Variants in CHD9 observed in about 807,000 individuals in gnomAD.
The protein encoded by CHD9 is ATP-dependent chromatin remodeler CHD9.
A neutral mutation model predicts 316.1 loss-of-function variants in CHD9; 77 were observed. That is an observed-to-expected ratio of 0.24 (90% CI 0.20 to 0.29). The LOEUF (loss-of-function observed/expected upper bound fraction) is 0.29. CHD9 is among the 10% of genes least tolerant of loss of function. CHD9 has a pLI of 1.00. For synonymous variants in CHD9, 1,129 were observed against 1,158.3 expected (o/e 0.97, Z 0.51); for missense variants, 2,763 against 3,438.1 (o/e 0.80, Z 4.91).
chr16:53,287,300 G>C (rs2053962420), intron 26 of CHD9, among the ~76,000 whole-genome samples: 1 of 152,184 alleles, frequency 6.6e-6, no homozygotes, highest in South Asian at 2.1e-4. Flanking sequence ...ACTGAAATTG[G>C]TTGAATTTAT....
chr16:53,131,496 C>T (rs1397716150), intron 1 of CHD9, among the ~76,000 whole-genome samples: 1 of 149,350 alleles, frequency 6.7e-6, no homozygotes, highest in Non-Finnish European at 1.5e-5. Flanking sequence ...CGGCCCGCCC[C>T]GCGCCTGTCA....
At chr16:53,294,125 C>T (rs1246021220) in intron 29 of CHD9, among the ~76,000 whole-genome samples, 1 of 152,180 alleles carries the variant, frequency 6.6e-6, no homozygotes, top group Non-Finnish European at 1.5e-5. Context: ...GAACAAATCG[C>T]AAGCGACCTT....
At chr16:53,109,021 G>A (rs973371889) in intron 1 of CHD9, among the ~76,000 whole-genome samples, 2 of 152,224 alleles carry the variant, frequency 1.3e-5, no homozygotes, top group South Asian at 2.1e-4. Context: ...GGGGATAACT[G>A]ATCTTGGGAT....
At chr16:53,253,880 G>A (rs1242166701) in intron 17 of CHD9, among the ~76,000 whole-genome samples, 2 of 152,060 alleles carry the variant, frequency 1.3e-5, no homozygotes, top group Non-Finnish European at 2.9e-5. Context: ...CTACACTTCC[G>A]TTAAAACATA....
At chr16:53,300,793 T>C (rs1387406321) in intron 30 of CHD9, among the ~76,000 whole-genome samples, 2 of 152,234 alleles carry the variant, frequency 1.3e-5, no homozygotes, top group African/African-American at 4.8e-5. Flanking sequence ...TCCCATTGTT[T>C]TGTTGGTTCA....
chr16:53,284,513 T>C (rs2053690054), intron 24 of CHD9, among the ~76,000 whole-genome samples: 1 of 152,164 alleles, frequency 6.6e-6, no homozygotes, highest in South Asian at 2.1e-4. Flanking sequence ...AGTCCTTCTA[T>C]ACATGACATG....
At chr16:53,061,553 TA>T (rs1489105087) in intron 1 of CHD9, among the ~76,000 whole-genome samples, 1 of 151,932 alleles carries the variant, frequency 6.6e-6, no homozygotes, top group African/African-American at 2.4e-5. Flanking sequence ...GAAAAGCCAA[TA>T]AAAAAGGTGT....
At chr16:53,184,251 C>CTCTG (rs10684310) in intron 2 of CHD9, among the ~76,000 whole-genome samples, 6 of 151,656 alleles carry the variant, frequency 4.0e-5, no homozygotes, top group Admixed American at 3.9e-4. Context: ...TTAATCTTAT[C>CTCTG]TCAATCACTA....
Position 53,106,961 on chromosome 16 carries a change from T to A in CHD9, c.-164-48965T>A, listed in dbSNP as rs548962320. On this transcript the variant is annotated intron_variant, in intron 1 of 38. Coordinates refer to ENST00000447540, the MANE Select transcript of CHD9 (RefSeq NM_001308319.2). ...TTTAAAAAATGAGAAGACTGTGAAA[T>A]GAATTAGAATGACTTCGAATGAGAA... is the stretch of plus-strand genomic sequence containing the variant. 5.3e-4 allele frequency among the ~76,000 whole-genome samples: 81 copies of A among 152,234 alleles called. 1 individual carries two copies. The highest frequency in any genetic ancestry group is 1.9e-3 in the African/African-American group (79 of 41,554).
intron 1 of CHD9, among the ~76,000 whole-genome samples, chr16:53,097,072 G>A (rs1404515181): frequency 6.6e-6 from 1 of 152,054 alleles, no homozygotes; most frequent in Non-Finnish European, 1.5e-5. Context: ...TTCAACATGA[G>A]TTTTAGAGGA....
chr16:53,071,356 G>A (rs888232741), intron 1 of CHD9, among the ~76,000 whole-genome samples: 1 of 152,178 alleles, frequency 6.6e-6, no homozygotes, highest in African/African-American at 2.4e-5. Flanking sequence ...GTGTCTCAGA[G>A]ATGGTGTTAT....
chr16:53,324,326 G>A lies in CHD9; in HGVS notation c.8125G>A (p.Ala2709Thr), dbSNP rs764443198. ...PSGGEAKNMA[A>T]MFPMLLSGMA... ...TGGAGGAGAAGCTAAAAACATGGCT[G>A]CTATGTTCCCCATGCTGCTGTCAGG... The change falls in exon 39 of 39, where the codon GCT (alanine) becomes ACT (threonine). Residue 2709 changes from alanine (A) to threonine (T), a missense_variant. By Grantham distance (58) the Ala-to-Thr change is moderately conservative. Transcript: ENST00000447540. The A allele has an allele frequency of 2.5e-6, 4 of 1,613,970 alleles. No individual in the cohort carries two copies. The highest frequency in any genetic ancestry group is 1.1e-5 in the South Asian group (1 of 91,084).
chr16:53,105,031 T>C lies in CHD9; in HGVS notation c.-165+49954T>C, dbSNP rs568042978. On this transcript the variant is annotated intron_variant, in intron 1 of 38. Coordinates refer to ENST00000447540, the MANE Select transcript of CHD9 (RefSeq NM_001308319.2). Reference sequence around the variant, plus strand: ...AAAAAAACACAAAAAACTGTAGAGATGGAGGTCTCGCTAATTGCCCAGCCT... The same window carrying C: ...AAAAAAACACAAAAAACTGTAGAGACGGAGGTCTCGCTAATTGCCCAGCCT... Among the ~76,000 whole-genome samples the C allele has an allele frequency of 2.6e-5, 4 of 151,710 alleles. No individual in the cohort carries two copies. The South Asian group carries it at 6.2e-4, about 24-fold the overall frequency.
At chr16:53,259,364 T>C (rs531601635) in intron 19 of CHD9, among the ~76,000 whole-genome samples, 2 of 152,244 alleles carry the variant, frequency 1.3e-5, no homozygotes, top group South Asian at 4.1e-4. Flanking sequence ...AGTTATATGA[T>C]AGCAGAATAA....
intron 1 of CHD9, among the ~76,000 whole-genome samples, chr16:53,107,392 G>A (rs1252399063): frequency 6.6e-6 from 1 of 151,246 alleles, no homozygotes; most frequent in Non-Finnish European, 1.5e-5. Flanking sequence ...CCCGGGAGGT[G>A]GAGGTTGCAG....
intron 2 of CHD9, among the ~76,000 whole-genome samples, chr16:53,162,803 G>C (rs1359361240): frequency 2.1e-5 from 3 of 146,186 alleles, no homozygotes; most frequent in Admixed American, 6.8e-5. Flanking sequence ...TTTTTTTGGT[G>C]GGGGACAGGG....
chr16:53,154,507 A>C (rs2041362621), intron 1 of CHD9, among the ~76,000 whole-genome samples: 1 of 152,180 alleles, frequency 6.6e-6, no homozygotes, highest in Non-Finnish European at 1.5e-5. Flanking sequence ...AGCAGTCCTC[A>C]ACCTTTTTGG....
At chr16:53,211,777 G>A (rs998132291) in intron 3 of CHD9, among the ~76,000 whole-genome samples, 1 of 152,036 alleles carries the variant, frequency 6.6e-6, no homozygotes, top group African/African-American at 2.4e-5. Context: ...CATGTTGGAG[G>A]AAAAGGCATA....
intron 18 of CHD9, among the ~76,000 whole-genome samples, chr16:53,255,087 G>T (rs2050474879): frequency 6.6e-6 from 1 of 152,090 alleles, no homozygotes; most frequent in Admixed American, 6.6e-5. Flanking sequence ...GAGGTAGGAG[G>T]ATTGCTTGAG....
Sources: gnomAD v4.1 joint callset for allele counts (sites outside exome capture counted in the v4.1 genomes callset) on GRCh38, gnomAD v4.1.1 for gene constraint, MANE v1.5 for transcripts, NCBI Gene and HGNC (gene_info 2026-07-23, HGNC 2026-07-21) for gene names.